KLF12: variants seen among roughly 807,000 people sequenced by gnomAD.
The protein encoded by KLF12 is KLF transcription factor 12, also known as Krueppel-like factor 12.
KLF12 carries 9 observed loss-of-function variants against 37.8 expected under a neutral mutation model. That is an observed-to-expected ratio of 0.24 (90% CI 0.14 to 0.42). The LOEUF (loss-of-function observed/expected upper bound fraction) is 0.42, where lower values mean the gene tolerates loss of function less well. Among genes scored for constraint, KLF12 ranks in the 10% least tolerant of loss-of-function variants. The pLI, the probability that KLF12 is intolerant of heterozygous loss-of-function variation, is 1.00. For missense variants in KLF12, 411 were observed against 516.0 expected, an observed-to-expected ratio of 0.80 and a Z score of 1.97; for synonymous variants, 208 against 202.1, an observed-to-expected ratio of 1.03 and a Z score of -0.25.
chr13:73,845,781 T>C (rs762377281), intron 4 of KLF12, 46 bp downstream of exon 4: 3 of 1,542,480 alleles, frequency 1.9e-6, no homozygotes, highest in South Asian at 1.2e-5. Flanking sequence ...AAAAATGAAG[T>C]CACCTCTAGT....
In KLF12 at chr13:73,762,257, T is replaced by C. The variant is rs77328128; in HGVS notation, c.869+2681A>G. ...ACCACACTTTCAATTCCAGTGGATT[T>C]TGTTTGCCTTATACAGATATTCTTT... On this transcript the variant is annotated intron_variant, in intron 6 of 7. Coordinates refer to ENST00000377669, the MANE Select transcript of KLF12 (RefSeq NM_007249.5). 3.8e-3 allele frequency among the ~76,000 whole-genome samples: 577 copies of C among 152,300 alleles called. 4 individuals are homozygous for C. Among genetic ancestry groups the C allele is most frequent in the African/African-American group, 0.013 (529 of 41,566 alleles).
intron 6 of KLF12, among the ~76,000 whole-genome samples, chr13:73,755,645 T>TTGGAGAACAGG (rs1879105975): frequency 6.6e-6 from 1 of 152,072 alleles, no homozygotes; most frequent in Non-Finnish European, 1.5e-5. Context: ...CAATGGGTTT[T>TTGGAGAACAGG]TGGAGAACAG....
the KLF12 span, among the ~76,000 whole-genome samples, chr13:74,290,329 T>G: frequency 0.091 from 13,856 of 152,256 alleles, 751 homozygotes; most frequent in South Asian, 0.15. Flanking sequence ...TCCACTGACC[T>G]GATCTAATTC....
intron 6 of KLF12, among the ~76,000 whole-genome samples, chr13:73,753,665 TAA>T (rs68139735): frequency 0.016 from 2,277 of 141,674 alleles, 16 homozygotes; most frequent in Non-Finnish European, 0.022. Context: ...CTACCAAGTG[TAA>T]AAAAAAAAAA....
At chr13:73,834,980 C>T (rs1287018190) in intron 4 of KLF12, among the ~76,000 whole-genome samples, 2 of 151,988 alleles carry the variant, frequency 1.3e-5, no homozygotes, top group East Asian at 3.9e-4. Context: ...CACAGATACA[C>T]AGAATGCAGC....
chr13:74,023,559 C>T (rs1482991366), intron 1 of KLF12, among the ~76,000 whole-genome samples: 1 of 152,154 alleles, frequency 6.6e-6, no homozygotes, highest in Admixed American at 6.5e-5. Context: ...TTCCAATAAT[C>T]GCTGGTATTC....
At chr13:74,296,153 T>A in the KLF12 span, among the ~76,000 whole-genome samples, 81 of 148,724 alleles carry the variant, frequency 5.4e-4, no homozygotes, top group East Asian at 0.013. Context: ...TTTTTTTTTT[T>A]AATTTTCAGG....
chr13:73,929,558 C>T (rs1275624240), intron 3 of KLF12, among the ~76,000 whole-genome samples: 3 of 152,148 alleles, frequency 2.0e-5, no homozygotes, highest in East Asian at 3.8e-4. Flanking sequence ...GAATCCCCTC[C>T]GTATAGTTTA....
chr13:74,238,998 G>T, the KLF12 span, among the ~76,000 whole-genome samples: 3 of 149,494 alleles, frequency 2.0e-5, no homozygotes, highest in Non-Finnish European at 3.0e-5. Flanking sequence ...GAATGTGTTT[G>T]CTCTTGCTTT....
chr13:73,762,406 A>G (rs1458733787), intron 6 of KLF12, among the ~76,000 whole-genome samples: 1 of 152,214 alleles, frequency 6.6e-6, no homozygotes, highest in Non-Finnish European at 1.5e-5. Flanking sequence ...AATAATAAAC[A>G]CTGGTTTGGG....
intron 3 of KLF12, among the ~76,000 whole-genome samples, chr13:73,869,962 T>A (rs554262933): frequency 6.6e-6 from 1 of 152,224 alleles, no homozygotes; most frequent in African/African-American, 2.4e-5. Flanking sequence ...ATGGTTTTCA[T>A]GTCTAGCTTG....
intron 5 of KLF12, among the ~76,000 whole-genome samples, chr13:73,808,883 C>T (rs1321181656): frequency 6.6e-6 from 1 of 152,136 alleles, no homozygotes; most frequent in Non-Finnish European, 1.5e-5. Flanking sequence ...AAAGGCTGGC[C>T]CAGGGCAAGG....
the KLF12 span, among the ~76,000 whole-genome samples, chr13:74,234,258 C>A: frequency 6.6e-6 from 1 of 152,128 alleles, no homozygotes; most frequent in Non-Finnish European, 1.5e-5. Context: ...TCCCAAGACA[C>A]AGTACAGCAT....
the KLF12 span, among the ~76,000 whole-genome samples, chr13:74,179,488 A>G: frequency 2.0e-5 from 3 of 152,220 alleles, no homozygotes; most frequent in Non-Finnish European, 4.4e-5. Flanking sequence ...ATGCAGAAAT[A>G]AAATGATTTA....
the KLF12 span, among the ~76,000 whole-genome samples, chr13:74,284,251 C>T: frequency 6.6e-6 from 1 of 152,136 alleles, no homozygotes; most frequent in Non-Finnish European, 1.5e-5. Context: ...TTAATGCCCT[C>T]AGCTCATCCA....
chr13:73,783,063 A>C (rs1320615849), intron 5 of KLF12, among the ~76,000 whole-genome samples: 1 of 152,226 alleles, frequency 6.6e-6, no homozygotes, highest in Non-Finnish European at 1.5e-5. Flanking sequence ...CACCACACAA[A>C]ACAAATCATG....
chr13:73,747,778 TAC>T (rs1321015835), intron 6 of KLF12, among the ~76,000 whole-genome samples: 1 of 152,228 alleles, frequency 6.6e-6, no homozygotes, highest in Non-Finnish European at 1.5e-5. Context: ...TGCTCGAAGT[TAC>T]AGAGTTAATA....
intron 2 of KLF12, among the ~76,000 whole-genome samples, chr13:73,961,399 T>C (rs1891017107): frequency 6.6e-6 from 1 of 152,010 alleles, no homozygotes; most frequent in Non-Finnish European, 1.5e-5. Context: ...ACAACTCTTC[T>C]CAGATCTGTT....
chr13:73,880,040 A>T (rs1486862288), intron 3 of KLF12, among the ~76,000 whole-genome samples: 1 of 152,128 alleles, frequency 6.6e-6, no homozygotes, highest in Non-Finnish European at 1.5e-5. Flanking sequence ...TGCCTGGAGC[A>T]TGGTTCTCTA....
Sources: allele counts gnomAD v4.1 joint callset (sites outside exome capture counted in the v4.1 genomes callset), GRCh38; gene constraint gnomAD v4.1.1; transcripts MANE v1.5; gene names NCBI Gene and HGNC (gene_info 2026-07-23, HGNC 2026-07-21).